The following MSI2 variants were observed in gnomAD, a reference collection of about 807,000 sequenced individuals.
MSI2 encodes the protein musashi RNA binding protein 2, also known as RNA-binding protein Musashi homolog 2.
In MSI2, 17 loss-of-function variants were observed where a neutral mutation model predicts 45.6. That is an observed-to-expected ratio of 0.37 (90% CI 0.26 to 0.56). The LOEUF (loss-of-function observed/expected upper bound fraction) is 0.56. Ranked by LOEUF, MSI2 falls within the 20% of genes least tolerant of loss-of-function variation. The probability of loss-of-function intolerance (pLI) is 0.77; values close to 1 mark genes in which losing one functional copy is unlikely to be tolerated. For missense variants in MSI2, 293 were observed against 444.2 expected, an observed-to-expected ratio of 0.66 and a Z score of 3.06; for synonymous variants, 156 against 158.2, an observed-to-expected ratio of 0.99 and a Z score of 0.11.
Position 57,260,553 on chromosome 17 carries a change from A to T in MSI2, c.271-1598A>T, listed in dbSNP as rs181189593. 1.2e-4 allele frequency among the ~76,000 whole-genome samples: 19 copies of T among 152,284 alleles called. No individual in the cohort carries two copies. In the East Asian group the frequency reaches 3.7e-3, roughly 29 times the overall value. On this transcript the variant is annotated intron_variant, in intron 4 of 13. Coordinates refer to ENST00000284073, the MANE Select transcript of MSI2 (RefSeq NM_138962.4). The stretch of plus-strand genomic sequence containing the variant: ...ATAAAAAGACACCTCTGTCTTACGT[A>T]CGTCAACAGAATGGAAAATCCACAC...
At chr17:57,527,649 C>A (rs1028819423) in intron 6 of MSI2, among the ~76,000 whole-genome samples, 1 of 152,182 alleles carries the variant, frequency 6.6e-6, no homozygotes, top group African/African-American at 2.4e-5. Context: ...AAATGGGGAG[C>A]AGAAGGGGAA....
At chr17:57,275,199 C>T (rs1905370717) in intron 5 of MSI2, among the ~76,000 whole-genome samples, 1 of 152,202 alleles carries the variant, frequency 6.6e-6, no homozygotes, top group Admixed American at 6.5e-5. Flanking sequence ...GCCACATTTT[C>T]AAGGGCAGGG....
At chr17:57,651,777 C>T (rs754893780) in intron 10 of MSI2, among the ~76,000 whole-genome samples, 1 of 152,184 alleles carries the variant, frequency 6.6e-6, no homozygotes, top group Non-Finnish European at 1.5e-5. Context: ...GCCACTGTGT[C>T]GATGCACGGC....
chr17:57,469,303 A>G (rs1174978363), intron 6 of MSI2, among the ~76,000 whole-genome samples: 2 of 152,220 alleles, frequency 1.3e-5, no homozygotes, highest in African/African-American at 4.8e-5. Flanking sequence ...AAACAAGAAA[A>G]CCAATTATTT....
chr17:57,484,201 GCTTCTCTTTCC>G (rs2085706542), intron 6 of MSI2, among the ~76,000 whole-genome samples: 2 of 152,072 alleles, frequency 1.3e-5, no homozygotes, highest in Admixed American at 6.5e-5. Flanking sequence ...GTTAGCAGTC[GCTTCTCTTTCC>G]CTGCTCCTCA....
intron 5 of MSI2, among the ~76,000 whole-genome samples, chr17:57,363,733 T>C (rs984984985): frequency 6.7e-6 from 1 of 148,172 alleles, no homozygotes; most frequent in African/African-American, 2.5e-5. Context: ...AGTGAGATTC[T>C]GTCTGAAACA....
At chr17:57,440,540 G>C (rs1340251774) in intron 6 of MSI2, 1 of 151,110 alleles carries the variant, frequency 6.6e-6, no homozygotes, top group Non-Finnish European at 1.5e-5. Flanking sequence ...CTCATATACT[G>C]CTGAAGGCCA....
chr17:57,568,976 G>A (rs2087806868), intron 7 of MSI2, among the ~76,000 whole-genome samples: 1 of 152,192 alleles, frequency 6.6e-6, no homozygotes, highest in African/African-American at 2.4e-5. Context: ...TTGGACTTGG[G>A]GAGATTGTTT....
intron 6 of MSI2, among the ~76,000 whole-genome samples, chr17:57,512,914 C>A (rs567583613): frequency 6.7e-6 from 1 of 150,108 alleles, no homozygotes; most frequent in Non-Finnish European, 1.5e-5. Flanking sequence ...TAATGGATGG[C>A]AGCTGTTTAG....
chr17:57,584,734 G>A (rs2088298298), intron 7 of MSI2, among the ~76,000 whole-genome samples: 1 of 151,962 alleles, frequency 6.6e-6, no homozygotes, highest in Non-Finnish European at 1.5e-5. Flanking sequence ...CGGGGGGCCA[G>A]CATGCCCGCA....
intron 6 of MSI2, among the ~76,000 whole-genome samples, chr17:57,500,332 G>A (rs954846751): frequency 6.6e-6 from 1 of 152,054 alleles, no homozygotes; most frequent in Admixed American, 6.5e-5. Flanking sequence ...ACCTTTGGGG[G>A]CAGGTGGGAC....
Position 57,346,357 on chromosome 17 carries a change from G to GA in MSI2, c.313-55022_313-55021insA, listed in dbSNP as rs952522202. ...TGTAAATAACACATTTTGGGGGGGG[G>GA]GGTCTGATTTTTTTCTTAATGAAGA... On this transcript the variant is annotated intron_variant, in intron 5 of 13. Coordinates refer to ENST00000284073, the MANE Select transcript of MSI2 (RefSeq NM_138962.4). Among the ~76,000 whole-genome samples, 57 of 143,790 alleles carry GA rather than the reference G, an allele frequency of 4.0e-4. 1 individual carries two copies. Among genetic ancestry groups the GA allele is most frequent in the Admixed American group, 9.7e-4 (14 of 14,438 alleles). 94.3% of individuals were successfully genotyped at this position (143,790 alleles called of 152,430 possible).
chr17:57,658,311 C>CAACCAG (rs1567963953), intron 11 of MSI2, among the ~76,000 whole-genome samples: 2 of 152,242 alleles, frequency 1.3e-5, no homozygotes, highest in African/African-American at 4.8e-5. Context: ...CCAGCCACCA[C>CAACCAG]AACCAGACTT....
chr17:57,662,650 A>AG (rs1361172602), intron 11 of MSI2, among the ~76,000 whole-genome samples: 5 of 152,242 alleles, frequency 3.3e-5, no homozygotes, highest in Non-Finnish European at 7.3e-5. Flanking sequence ...TGGCTGAGCC[A>AG]GGCTCTGCAA....
At chr17:57,605,593 C>G (rs1373783272) in intron 8 of MSI2, among the ~76,000 whole-genome samples, 1 of 152,218 alleles carries the variant, frequency 6.6e-6, no homozygotes, top group Non-Finnish European at 1.5e-5. Context: ...TCTTCTGCCT[C>G]TTCCCCGCGC....
At chr17:57,433,833 C>T (rs905957108) in intron 6 of MSI2, among the ~76,000 whole-genome samples, 1 of 152,154 alleles carries the variant, frequency 6.6e-6, no homozygotes, top group Non-Finnish European at 1.5e-5. Flanking sequence ...GTTCCTCTGG[C>T]CCCCTCCTTC....
chr17:57,387,001 C>T (rs908272177), intron 5 of MSI2, among the ~76,000 whole-genome samples: 3 of 152,184 alleles, frequency 2.0e-5, no homozygotes, highest in Admixed American at 1.3e-4. Flanking sequence ...GAGCCACACG[C>T]CATTTGCTGG....
chr17:57,477,738 AG>A (rs945435776), intron 6 of MSI2, among the ~76,000 whole-genome samples: 2 of 152,192 alleles, frequency 1.3e-5, no homozygotes, highest in African/African-American at 4.8e-5. Flanking sequence ...GGTTGGCAAA[AG>A]GAACAGCTTC....
intron 5 of MSI2, among the ~76,000 whole-genome samples, chr17:57,340,390 A>G (rs1362863365): frequency 6.6e-6 from 1 of 152,234 alleles, no homozygotes; most frequent in Non-Finnish European, 1.5e-5. Context: ...ATGGAGGTAC[A>G]GTGTCAACAC....
Sources: gnomAD v4.1 joint callset for allele counts (sites outside exome capture counted in the v4.1 genomes callset) on GRCh38, gnomAD v4.1.1 for gene constraint, MANE v1.5 for transcripts, NCBI Gene and HGNC (gene_info 2026-07-23, HGNC 2026-07-21) for gene names.